Variants in ROBO2 observed in about 807,000 individuals in gnomAD.
The protein encoded by ROBO2 is roundabout guidance receptor 2, also known as roundabout homolog 2.
ROBO2 carries 53 observed loss-of-function variants against 160.8 expected under a neutral mutation model. That is an observed-to-expected ratio of 0.33 (90% CI 0.26 to 0.41). The LOEUF is 0.41. Ranked by LOEUF, ROBO2 falls within the 10% of genes least tolerant of loss-of-function variation. The pLI is 1.00. For missense variants in ROBO2, 1,577 were observed against 1,722.4 expected (o/e 0.92, Z 1.49); for synonymous variants, 664 against 611.7 (o/e 1.09, Z -1.26).
chr3:76,168,550 C>A (rs2072920075), intron 2 of ROBO2, among the ~76,000 whole-genome samples: 1 of 152,086 alleles, frequency 6.6e-6, no homozygotes, highest in Non-Finnish European at 1.5e-5. Flanking sequence ...TTGGGGGCTA[C>A]AACTTTGTTT....
intron 2 of ROBO2, among the ~76,000 whole-genome samples, chr3:76,070,336 C>T (rs6810266): frequency 0.62 from 94,758 of 151,974 alleles, 30,194 homozygotes; most frequent in Middle Eastern, 0.75. Context: ...GAACTGGCCC[C>T]GCTGGGCGTG....
intron 11 of ROBO2, among the ~76,000 whole-genome samples, 158 bp downstream of exon 12, chr3:77,563,487 A>AT (rs902940804): frequency 2.6e-5 from 4 of 152,134 alleles, no homozygotes; most frequent in Non-Finnish European, 2.9e-5. Flanking sequence ...AACAGAGTTA[A>AT]TTTTTTTTAG....
At chr3:76,833,015 A>G (rs2067219645) in intron 2 of ROBO2, among the ~76,000 whole-genome samples, 1 of 152,158 alleles carries the variant, frequency 6.6e-6, no homozygotes, top group African/African-American at 2.4e-5. Context: ...TTTTAGGGAG[A>G]AAAAATTATA....
chr3:76,606,431 G>A (rs2087662778), intron 2 of ROBO2, among the ~76,000 whole-genome samples: 1 of 152,138 alleles, frequency 6.6e-6, no homozygotes, highest in Non-Finnish European at 1.5e-5. Flanking sequence ...TCCACTGAAA[G>A]CTTCTAAGCC....
At chr3:76,547,277 C>A (rs938980635) in intron 2 of ROBO2, among the ~76,000 whole-genome samples, 4 of 151,592 alleles carry the variant, frequency 2.6e-5, no homozygotes, top group Admixed American at 6.6e-5. Context: ...TTTATTTTTT[C>A]CTTATGTATA....
intron 2 of ROBO2, among the ~76,000 whole-genome samples, chr3:76,151,507 G>T (rs2072199665): frequency 6.6e-6 from 1 of 152,040 alleles, no homozygotes; most frequent in South Asian, 2.1e-4. Flanking sequence ...TGATCCATTG[G>T]TCCTATTTCT....
chr3:76,966,770 G>A lies in ROBO2; in HGVS notation c.110-131244G>A, dbSNP rs113222394. ...ACTTCCATCTTGGGATGCTTGTGTG[G>A]ATAAAATAGGATAAAATGCCCGGTA... On this transcript the variant is annotated intron_variant, in intron 2 of 26. Coordinates refer to the ROBO2 transcript ENST00000487694. 5.7e-3 allele frequency among the ~76,000 whole-genome samples: 863 copies of A among 152,264 alleles called. 7 individuals are homozygous for A. Among genetic ancestry groups the A allele is most frequent in the African/African-American group, 0.02 (831 of 41,536 alleles).
intron 16 of ROBO2, among the ~76,000 whole-genome samples, chr3:77,588,355 AG>A (rs1345213713): frequency 6.6e-6 from 1 of 152,130 alleles, no homozygotes; most frequent in Non-Finnish European, 1.5e-5. Context: ...TTAGCAGAAA[AG>A]CAATTTGCAA....
intron 2 of ROBO2, among the ~76,000 whole-genome samples, chr3:76,338,384 T>C (rs988147516): frequency 1.2e-4 from 18 of 152,182 alleles, no homozygotes; most frequent in African/African-American, 4.3e-4. Context: ...ATATAGCAAT[T>C]TGATGACTAA....
chr3:77,358,680 T>C (rs1468812767), intron 2 of ROBO2, among the ~76,000 whole-genome samples: 1 of 152,190 alleles, frequency 6.6e-6, no homozygotes, highest in Non-Finnish European at 1.5e-5. Flanking sequence ...AAATAGTACA[T>C]CATTTAAGTG....
At chr3:76,049,081 G>C (rs2067555004) in intron 2 of ROBO2, among the ~76,000 whole-genome samples, 1 of 152,074 alleles carries the variant, frequency 6.6e-6, no homozygotes, top group African/African-American at 2.4e-5. Context: ...ATCTCTTTGG[G>C]GGAGAGAGTT....
chr3:76,631,114 G>A (rs2090002476), intron 2 of ROBO2, among the ~76,000 whole-genome samples: 1 of 152,008 alleles, frequency 6.6e-6, no homozygotes, highest in Non-Finnish European at 1.5e-5. Context: ...GGAAAATAAG[G>A]TAAAATAATA....
At chr3:77,214,042 G>A (rs1023707213) in intron 2 of ROBO2, among the ~76,000 whole-genome samples, 5 of 152,128 alleles carry the variant, frequency 3.3e-5, no homozygotes, top group African/African-American at 1.2e-4. Flanking sequence ...GTGCTGAAAA[G>A]AATGTATATT....
At chr3:76,762,176 T>A (rs2061342919) in intron 2 of ROBO2, among the ~76,000 whole-genome samples, 1 of 151,606 alleles carries the variant, frequency 6.6e-6, no homozygotes, top group African/African-American at 2.4e-5. Context: ...GAACTAAAGA[T>A]GGAACAGAAA....
intron 2 of ROBO2, among the ~76,000 whole-genome samples, chr3:77,030,776 G>A (rs1313890332): frequency 1.3e-5 from 2 of 152,144 alleles, no homozygotes; most frequent in East Asian, 1.9e-4. Flanking sequence ...CGAATCACTG[G>A]ATTGGGGCTC....
At chr3:76,565,354 A>G (rs2084447049) in intron 2 of ROBO2, among the ~76,000 whole-genome samples, 1 of 152,202 alleles carries the variant, frequency 6.6e-6, no homozygotes, top group Non-Finnish European at 1.5e-5. Context: ...ACATTACTCA[A>G]AAATCTGTGT....
chr3:76,966,584 T>C (rs2059305084), intron 2 of ROBO2, among the ~76,000 whole-genome samples: 1 of 152,164 alleles, frequency 6.6e-6, no homozygotes, highest in Non-Finnish European at 1.5e-5. Context: ...AATGGGATGA[T>C]AAGAAGGGGA....
chr3:76,177,069 G>C (rs1415769288), intron 2 of ROBO2, among the ~76,000 whole-genome samples: 1 of 152,060 alleles, frequency 6.6e-6, no homozygotes, highest in Non-Finnish European at 1.5e-5. Flanking sequence ...TTCAGTGAAT[G>C]CAATTATAGC....
intron 2 of ROBO2, among the ~76,000 whole-genome samples, chr3:77,284,180 A>AACAATAGAGCTGAGTAGTC (rs2060429325): frequency 6.6e-6 from 1 of 152,184 alleles, no homozygotes; most frequent in African/African-American, 2.4e-5. Flanking sequence ...TTTGTGCTAC[A>AACAATAGAGCTGAGTAGTC]ACAATAGAGC....
Sources: gnomAD v4.1 joint callset for allele counts (sites outside exome capture counted in the v4.1 genomes callset) on GRCh38, gnomAD v4.1.1 for gene constraint, MANE v1.5 for transcripts, NCBI Gene and HGNC (gene_info 2026-07-23, HGNC 2026-07-21) for gene names.